The following ZNF208 variants were observed in gnomAD, a reference collection of about 807,000 sequenced individuals.
ZNF208 encodes the protein zinc finger protein 208.
Under a neutral mutation model 12.1 loss-of-function variants are expected in ZNF208, and 10 were observed. That is an observed-to-expected ratio of 0.83 (90% CI 0.51 to 1.40). ZNF208 has a LOEUF of 1.40. Ranked by LOEUF, ZNF208 falls within the 40% of genes most tolerant of loss-of-function variation. The probability of loss-of-function intolerance (pLI) is 0.00; values close to 1 mark genes in which losing one functional copy is unlikely to be tolerated. For synonymous variants in ZNF208, 497 were observed against 488.4 expected, an observed-to-expected ratio of 1.02 and a Z score of -0.23; for missense variants, 1,652 against 1,485.0, an observed-to-expected ratio of 1.11 and a Z score of -1.85.
chr19:21,942,566 A>G (rs1969757695), intron 4 of ZNF208, among the ~76,000 whole-genome samples: 1 of 152,212 alleles, frequency 6.6e-6, no homozygotes, highest in Non-Finnish European at 1.5e-5. Context: ...ATTTAGGTCT[A>G]GTTTAACCTG....
intron 3 of ZNF208, among the ~76,000 whole-genome samples, chr19:21,981,763 C>A (rs1369950932): frequency 6.6e-6 from 1 of 152,146 alleles, no homozygotes; most frequent in Non-Finnish European, 1.5e-5. Context: ...AAGAGGAAAT[C>A]AAATTGTCTC....
rs1042678695 is a variant in ZNF208 at position 21,969,291 on chromosome 19, C to T, written c.*1900G>A. Among the ~76,000 whole-genome samples the T allele has an allele frequency of 1.3e-5, 2 of 150,502 alleles. No homozygotes were observed. Among genetic ancestry groups the T allele is most frequent in the Non-Finnish European group, 3.0e-5 (2 of 67,682 alleles). On this transcript the variant is annotated 3_prime_UTR_variant, in exon 4 of 4. Transcript: ENST00000397126. ...CAATGTGTCTGGAAAAAAAAAAAAT[C>T]TGTGTTTTGAAGAAAAAAGTATACT... is the stretch of plus-strand genomic sequence containing the variant.
At chr19:21,997,499 A>G (rs968100843) in intron 1 of ZNF208, 5 of 151,998 alleles carry the variant, frequency 3.3e-5, no homozygotes, top group African/African-American at 9.7e-5. Flanking sequence ...ACTGGGCTAG[A>G]GCACTCCTGC....
At position 21,973,043 on chromosome 19, in the gene ZNF208, G is replaced by A. The variant is rs1407946765; in HGVS notation, c.1991C>T (p.Pro664Leu). The A allele has an allele frequency of 6.2e-7, 1 of 1,613,450 alleles. No individual in the cohort carries two copies. Among genetic ancestry groups the A allele is most frequent in the South Asian group, 1.1e-5 (1 of 91,022 alleles). Residue 664 changes from proline to leucine, a missense_variant, in exon 4 of 4, where the codon CCC becomes CTC. This residue lies in a region of ZNF208 where 1,239 missense variants were observed against 1,086.2 expected (regional missense o/e 1.14). Transcript: ENST00000397126. ...TTTGCCACATTCTTTACATTTGTAG[G>A]GCTTCTCTCCAGCATGAATTGCCTT... ...THKAIHAGEK[P>L]YKCKECGKAF...
Position 21,971,123 on chromosome 19 carries a change from G to A in ZNF208, c.*68C>T. ...TTCACATTTGTAGGGTTTCTCTCCA[G>A]TATGAATTTTCTTATGATAACTAAG... On this transcript the variant is annotated 3_prime_UTR_variant, in exon 4 of 4. Transcript: ENST00000397126. 6.2e-7 allele frequency: 1 copy of A among 1,613,034 alleles called. No homozygotes were observed. Among genetic ancestry groups the A allele is most frequent in the Non-Finnish European group, 8.5e-7 (1 of 1,179,638 alleles).
chr19:22,000,576 T>G (rs1970926424), intron 1 of ZNF208, among the ~76,000 whole-genome samples: 1 of 152,094 alleles, frequency 6.6e-6, no homozygotes, highest in Non-Finnish European at 1.5e-5. Flanking sequence ...AAAGAAAAAT[T>G]TATAGCATTA....
rs565911091 is a variant in ZNF208, at chr19:21,968,766, A to G, written c.*2425T>C. 1.1e-5 allele frequency among the ~76,000 whole-genome samples: 1 copy of G among 91,808 alleles called. No homozygotes were observed. The highest frequency in any genetic ancestry group is 5.4e-5 in the African/African-American group (1 of 18,392). 60.2% of individuals were successfully genotyped at this position (91,808 alleles called of 152,430 possible). On this transcript the variant is annotated 3_prime_UTR_variant, in exon 4 of 4. Coordinates refer to ENST00000397126, the MANE Select transcript of ZNF208 (RefSeq NM_007153.3). ...AATGCATTCAGTAGGCTTAGGTAAA[A>G]CTCTTTGCAATGTGGTAAAACTTCG...
rs1361509644 is a variant in ZNF208, at chr19:21,966,646, T to C, written c.*4545A>G. 1.3e-5 allele frequency: 2 copies of C among 152,166 alleles called. No homozygotes were observed. Among genetic ancestry groups the C allele is most frequent in the East Asian group, 1.9e-4 (1 of 5,194 alleles). 9.4% of individuals were successfully genotyped at this position (152,166 alleles called of 1,614,324 possible). On this transcript the variant is annotated 3_prime_UTR_variant, in exon 4 of 4. Coordinates refer to ENST00000397126, the MANE Select transcript of ZNF208 (RefSeq NM_007153.3). ...CCAGTAATCGGCTTGATTGGTCAAA[T>C]GGCAATTCTATTTCTAGTTCTTTGA...
chr19:22,000,427 A>G (rs756587043), intron 1 of ZNF208, among the ~76,000 whole-genome samples: 4 of 152,360 alleles, frequency 2.6e-5, no homozygotes, highest in South Asian at 4.1e-4. Flanking sequence ...ATACAATTAA[A>G]TAAAAATTAA....
chr19:21,947,680 C>A (rs1005275223), intron 4 of ZNF208, among the ~76,000 whole-genome samples: 1 of 152,170 alleles, frequency 6.6e-6, no homozygotes, highest in African/African-American at 2.4e-5. Flanking sequence ...GGCACATGTT[C>A]TTCATCAAAC....
At chr19:21,955,491 ACATATTTC>A (rs1969959155) in intron 4 of ZNF208, among the ~76,000 whole-genome samples, 1 of 152,084 alleles carries the variant, frequency 6.6e-6, no homozygotes, top group African/African-American at 2.4e-5. Flanking sequence ...TGGTCTTTTC[ACATATTTC>A]CATATTTCTT....
Position 21,971,040 on chromosome 19 carries a change from T to C in ZNF208, c.*151A>G. On this transcript the variant is annotated 3_prime_UTR_variant, in exon 4 of 4. Coordinates refer to ENST00000397126, the MANE Select transcript of ZNF208 (RefSeq NM_007153.3). ...TCACATTTGTAGGGTGTCTCTCCAG[T>C]ATGAATTCTCTTATGTTCCATAAGG... The C allele has an allele frequency of 6.2e-7, 1 of 1,609,596 alleles. No homozygotes were observed. Among genetic ancestry groups the C allele is most frequent in the East Asian group, 2.2e-5 (1 of 44,820 alleles).
At chr19:21,999,508 C>T (rs1363348183) in intron 1 of ZNF208, among the ~76,000 whole-genome samples, 7 of 152,138 alleles carry the variant, frequency 4.6e-5, no homozygotes, top group Non-Finnish European at 8.8e-5. Flanking sequence ...CAAATAATCA[C>T]CCTGGATAAT....
intron 4 of ZNF208, among the ~76,000 whole-genome samples, chr19:21,947,382 C>T (rs1452805623): frequency 6.6e-6 from 1 of 152,136 alleles, no homozygotes; most frequent in Non-Finnish European, 1.5e-5. Context: ...ATAGGAACAG[C>T]CTATCAAAAC....
At chr19:22,002,826 A>C (rs772241290) in intron 1 of ZNF208, among the ~76,000 whole-genome samples, 1 of 152,218 alleles carries the variant, frequency 6.6e-6, no homozygotes, top group Non-Finnish European at 1.5e-5. Flanking sequence ...AATATTTTTA[A>C]CAGAACTAAA....
At chr19:21,941,033 A>G (rs2145507355) in intron 4 of ZNF208, 2 of 241,104 alleles carry the variant, frequency 8.3e-6, no homozygotes, top group Non-Finnish European at 7.9e-6. Context: ...CACGACTGGA[A>G]CTGGCGCCCT....
Position 21,988,983 on chromosome 19 carries a change from A to AGAGAGTAAAGAGAGCTGGTTCTG in ZNF208, c.4-97_4-75dup, listed in dbSNP as rs1970676358. 1.1e-5 allele frequency: 18 copies of AGAGAGTAAAGAGAGCTGGTTCTG among 1,574,340 alleles called. No individual in the cohort carries two copies. The South Asian group carries it at 2.1e-4, about 19-fold the overall frequency. On this transcript the variant is annotated intron_variant, in intron 1 of 3. Transcript: ENST00000397126. ...TTTAATTTGACTCAAGGTAAAATGC[A>AGAGAGTAAAGAGAGCTGGTTCTG]GAGAGTAAAGAGAGCTGGTTCTGAC...
intron 3 of ZNF208, among the ~76,000 whole-genome samples, chr19:21,984,660 A>G (rs1031578878): frequency 1.7e-4 from 26 of 152,210 alleles, no homozygotes; most frequent in Non-Finnish European, 7.3e-5. Flanking sequence ...AAAGATGTTC[A>G]TCCTATTCAA....
intron 3 of ZNF208, among the ~76,000 whole-genome samples, chr19:21,977,904 G>T (rs547919543): frequency 6.6e-6 from 1 of 152,142 alleles, no homozygotes; most frequent in Admixed American, 6.5e-5. Context: ...GGGGAAGGGC[G>T]TCCGCCATTG....
Sources: gnomAD v4.1 joint callset for allele counts (sites outside exome capture counted in the v4.1 genomes callset) on GRCh38, gnomAD v4.1.1 for gene constraint, gnomAD v4.1.1 regional missense constraint, MANE v1.5 for transcripts, NCBI Gene and HGNC (gene_info 2026-07-23, HGNC 2026-07-21) for gene names.